Variants in TRIM36 observed in about 807,000 individuals in gnomAD.
TRIM36 encodes tripartite motif containing 36.
A neutral mutation model predicts 72.4 loss-of-function variants in TRIM36; 42 were observed. The ratio of observed to expected loss-of-function variants is 0.58; its 90% confidence interval spans 0.45 to 0.75. The LOEUF is 0.75. Ranked by LOEUF, TRIM36 falls within the 30% of genes least tolerant of loss-of-function variation. The pLI, the probability that TRIM36 is intolerant of heterozygous loss-of-function variation, is 0.00. For missense variants in TRIM36, 913 were observed against 857.1 expected (o/e 1.07, Z -0.81); for synonymous variants, 315 against 282.8 (o/e 1.11, Z -1.14).
Position 115,124,783 on chromosome 5 carries a change from A to T in TRIM36, c.*1720T>A, listed in dbSNP as rs1011909937. On this transcript the variant is annotated 3_prime_UTR_variant, in exon 10 of 10. Coordinates refer to ENST00000513154, the MANE Select transcript of TRIM36 (RefSeq NM_001300759.2). The stretch of plus-strand genomic sequence containing the variant: ...TGAATTCTTTTTAATTTTTTATTAA[A>T]AATGAAAGAAACACAGCTAAACAAT... 4 of 152,424 alleles carry T rather than the reference A, an allele frequency of 2.6e-5. No individual in the cohort carries two copies. The highest frequency in any genetic ancestry group is 2.6e-4 in the Admixed American group (4 of 15,268). 9.4% of individuals were successfully genotyped at this position (152,424 alleles called of 1,614,324 possible). A position where few individuals can be genotyped will look rare whatever the true frequency, so the allele number is the denominator to read the frequency against.
Position 115,137,132 on chromosome 5 carries a change from C to A in TRIM36, c.1086-8G>T. On this transcript the variant is annotated splice_polypyrimidine_tract_variant and splice_region_variant and intron_variant, in intron 6 of 9. Coordinates refer to ENST00000513154, the MANE Select transcript of TRIM36 (RefSeq NM_001300759.2). ...TCTGTGGCTTTCTGTATTCTGCAGA[C>A]AGATATTTTATATAAAAATGTTTCT... 6.4e-7 allele frequency: 1 copy of A among 1,567,262 alleles called. No individual in the cohort carries two copies.
chr5:115,154,098 A>AC (rs1754037115), intron 2 of TRIM36, among the ~76,000 whole-genome samples: 1 of 152,122 alleles, frequency 6.6e-6, no homozygotes, highest in African/African-American at 2.4e-5. Flanking sequence ...TCAAAAAAAA[A>AC]ATGAAATTAA....
At chr5:115,139,927 C>T (rs944252699) in intron 5 of TRIM36, among the ~76,000 whole-genome samples, 132 of 152,208 alleles carry the variant, frequency 8.7e-4, no homozygotes, top group African/African-American at 3.0e-3. Context: ...AAGTGAAGAG[C>T]AGCAGGACTG....
chr5:115,160,274 C>T (rs991764835), intron 2 of TRIM36, among the ~76,000 whole-genome samples: 6 of 151,882 alleles, frequency 4.0e-5, no homozygotes, highest in Non-Finnish European at 5.9e-5. Flanking sequence ...CTACAATATA[C>T]GTAAGTTTAA....
chr5:115,127,248 C>T (rs535450406), intron 9 of TRIM36, among the ~76,000 whole-genome samples: 1 of 152,292 alleles, frequency 6.6e-6, no homozygotes, highest in Non-Finnish European at 1.5e-5. Flanking sequence ...CACAGTGGTC[C>T]CGTAAGACTA....
chr5:115,168,801 C>T (rs957413096), intron 1 of TRIM36, among the ~76,000 whole-genome samples: 5 of 152,152 alleles, frequency 3.3e-5, no homozygotes, highest in Admixed American at 6.5e-5. Flanking sequence ...AAATCTTGTC[C>T]GGGATATCCA....
chr5:115,179,605 G>C (rs1206151051), intron 1 of TRIM36, among the ~76,000 whole-genome samples: 1 of 152,144 alleles, frequency 6.6e-6, no homozygotes, highest in African/African-American at 2.4e-5. Context: ...TCACCCACTC[G>C]AAGTCACCAC....
intron 1 of TRIM36, among the ~76,000 whole-genome samples, chr5:115,164,397 G>A: frequency 6.6e-6 from 1 of 152,166 alleles, no homozygotes; most frequent in East Asian, 1.9e-4. Flanking sequence ...AATTACCTGA[G>A]GCTGGGTAAT....
At chr5:115,141,488 T>C (rs987772520) in intron 4 of TRIM36, 114 bp from the exon 5 acceptor site, 13 of 551,002 alleles carry the variant, frequency 2.4e-5, no homozygotes, top group African/African-American at 2.0e-4. Context: ...CTGATAAACA[T>C]AATAAAATCA....
upstream of TRIM36, among the ~76,000 whole-genome samples, chr5:115,171,661 T>A (rs112115025): frequency 6.6e-6 from 1 of 152,200 alleles, no homozygotes; most frequent in Admixed American, 6.5e-5. Flanking sequence ...GAATTAAAGA[T>A]AAAATCTGTA....
At chr5:115,136,591 C>T (rs997430002) in intron 7 of TRIM36, among the ~76,000 whole-genome samples, 3 of 151,714 alleles carry the variant, frequency 2.0e-5, no homozygotes, top group African/African-American at 4.8e-5. Context: ...CAAGGATGTG[C>T]GACACAGCGT....
intron 5 of TRIM36, among the ~76,000 whole-genome samples, chr5:115,139,177 A>G (rs570787629): frequency 1.9e-4 from 27 of 145,734 alleles, no homozygotes; most frequent in Non-Finnish European, 3.3e-4. Flanking sequence ...CTAGAGTGCA[A>G]TGGAGTGATC....
chr5:115,179,912 G>A (rs534311451), intron 1 of TRIM36: 2 of 1,443,000 alleles, frequency 1.4e-6, no homozygotes, highest in African/African-American at 2.8e-5. Context: ...CGCCCACAGT[G>A]GCGGGCCAGG....
At chr5:115,150,731 C>G (rs1345546246) in intron 2 of TRIM36, among the ~76,000 whole-genome samples, 2 of 152,180 alleles carry the variant, frequency 1.3e-5, no homozygotes, top group Non-Finnish European at 2.9e-5. Flanking sequence ...AACTGTGGAA[C>G]TGGGAAAGGG....
intron 8 of TRIM36, among the ~76,000 whole-genome samples, chr5:115,132,073 T>G (rs113274235): frequency 1.3e-5 from 2 of 152,008 alleles, no homozygotes; most frequent in East Asian, 1.9e-4. Flanking sequence ...CCAGGCATCA[T>G]AGTGCACACC....
intron 9 of TRIM36, among the ~76,000 whole-genome samples, 173 bp downstream of exon 9, chr5:115,130,419 C>T (rs1752611752): frequency 6.6e-6 from 1 of 152,140 alleles, no homozygotes; most frequent in African/African-American, 2.4e-5. Context: ...GCTAACTCTC[C>T]TTATTCAATG....
upstream of TRIM36, among the ~76,000 whole-genome samples, chr5:115,171,422 GAAAAGTGC>G (rs1755112582): frequency 6.6e-6 from 1 of 152,210 alleles, no homozygotes; most frequent in African/African-American, 2.4e-5. Context: ...CACAGGTTCT[GAAAAGTGC>G]TAATCAGGAG....
At chr5:115,134,690 G>A (rs1024568857) in intron 7 of TRIM36, among the ~76,000 whole-genome samples, 6 of 152,096 alleles carry the variant, frequency 3.9e-5, no homozygotes, top group South Asian at 4.1e-4. Context: ...ACAGGTGCGT[G>A]CTACCACACC....
At position 115,179,898 on chromosome 5, in the gene TRIM36, C is replaced by T. The variant is rs1180740165; in HGVS notation, c.63+77G>A. 10 of 1,443,620 alleles carry T rather than the reference C, an allele frequency of 6.9e-6. 2 individuals are homozygous for T. The Middle Eastern group carries it at 5.8e-4, about 83-fold the overall frequency. The allele number at this position is 1,443,620 out of a possible 1,614,324, so 89.4% of individuals were successfully genotyped here. A position where few individuals can be genotyped will look rare whatever the true frequency, so the allele number is the denominator to read the frequency against. On this transcript the variant is annotated intron_variant, in intron 1 of 9. Coordinates refer to the TRIM36 transcript ENST00000282369. Reference sequence around the variant, plus strand: ...CCCTTCCCAGGCGCTGGAATGGACACGGACGCCCACAGTGGCGGGCCAGGT... The same window carrying T: ...CCCTTCCCAGGCGCTGGAATGGACATGGACGCCCACAGTGGCGGGCCAGGT...
Sources: gnomAD v4.1 joint callset for allele counts (sites outside exome capture counted in the v4.1 genomes callset) on GRCh38, gnomAD v4.1.1 for gene constraint, MANE v1.5 for transcripts, NCBI Gene and HGNC (gene_info 2026-07-23, HGNC 2026-07-21) for gene names.